RIN3: variants seen among roughly 807,000 people sequenced by gnomAD.
The protein encoded by RIN3 is RAB5 interacting protein 3.
RIN3 carries 54 observed loss-of-function variants against 76.3 expected under a neutral mutation model. The ratio of observed to expected loss-of-function variants is 0.71; its 90% CI spans 0.57 to 0.89. RIN3 has a LOEUF of 0.89. Ranked by LOEUF, RIN3 falls within the 40% of genes least tolerant of loss-of-function variation. The pLI, the probability that RIN3 is intolerant of heterozygous loss-of-function variation, is 0.00. For synonymous variants in RIN3, 576 were observed against 564.0 expected, an observed-to-expected ratio of 1.02 and a Z score of -0.30; for missense variants, 1,256 against 1,322.1, an observed-to-expected ratio of 0.95 and a Z score of 0.78.
At chr14:92,601,289 C>A (rs1255266909) in intron 3 of RIN3, among the ~76,000 whole-genome samples, 1 of 152,134 alleles carries the variant, frequency 6.6e-6, no homozygotes, top group African/African-American at 2.4e-5. Context: ...GGGTCTAGAG[C>A]CTCACCAGCC....
intron 4 of RIN3, among the ~76,000 whole-genome samples, chr14:92,636,984 G>A (rs191392737): frequency 1.7e-4 from 26 of 152,238 alleles, no homozygotes; most frequent in African/African-American, 5.5e-4. Context: ...GGGCCAGCAA[G>A]TTTACTCTCC....
At chr14:92,549,505 T>G (rs1384228773) in intron 1 of RIN3, among the ~76,000 whole-genome samples, 6 of 152,220 alleles carry the variant, frequency 3.9e-5, no homozygotes, top group African/African-American at 1.4e-4. Flanking sequence ...TCCCCACATT[T>G]GGTCAGCTCC....
At chr14:92,533,760 G>T (rs1195498410) in intron 1 of RIN3, among the ~76,000 whole-genome samples, 1 of 152,152 alleles carries the variant, frequency 6.6e-6, no homozygotes, top group Non-Finnish European at 1.5e-5. Flanking sequence ...TACAAATTGG[G>T]TACAGCGTAT....
chr14:92,591,832 A>T lies in RIN3; in HGVS notation c.367+14355A>T, dbSNP rs961189605. On this transcript the variant is annotated intron_variant, in intron 3 of 9. Transcript: ENST00000216487. ...TTAGACCTGCCTTGCAAATGTTAAA[A>T]TTTCTTTAGAGAGAAAGAAAATGAT... Among the ~76,000 whole-genome samples, 3 of 152,348 alleles carry T rather than the reference A, an allele frequency of 2.0e-5. No homozygotes were observed. In the East Asian group the frequency reaches 5.8e-4, roughly 29 times the overall value.
At chr14:92,591,125 G>A (rs12431681) in intron 3 of RIN3, among the ~76,000 whole-genome samples, 66,414 of 151,960 alleles carry the variant, frequency 0.44, 16,049 homozygotes, top group Non-Finnish European at 0.56. Context: ...GAATGTAAGC[G>A]GAGAGATGGA....
At chr14:92,670,720 ATTTCCT>A (rs1888261307) in intron 7 of RIN3, among the ~76,000 whole-genome samples, 1 of 152,076 alleles carries the variant, frequency 6.6e-6, no homozygotes, top group Non-Finnish European at 1.5e-5. Context: ...CTGAGCCTCA[ATTTCCT>A]CACAGTGTGG....
chr14:92,659,625 C>T lies in RIN3; in HGVS notation c.2335+156C>T, dbSNP rs372409277. On this transcript the variant is annotated intron_variant, in intron 7 of 9. Coordinates refer to ENST00000216487, the MANE Select transcript of RIN3 (RefSeq NM_024832.5). Reference sequence around the variant, plus strand: ...AACTGAGTGTGGGTGGGGTGTAATTCCTGGGCCCTCTTGGAGTTACCTGGG... The same window carrying T: ...AACTGAGTGTGGGTGGGGTGTAATTTCTGGGCCCTCTTGGAGTTACCTGGG... 390 of 653,286 alleles carry T rather than the reference C, an allele frequency of 6.0e-4. 7 individuals carry two copies. The East Asian group carries it at 9.3e-3, about 16-fold the overall frequency. The allele number at this position is 653,286 out of a possible 1,614,324, so 40.5% of individuals were successfully genotyped here. A position where few individuals can be genotyped will look rare whatever the true frequency, so the allele number is the denominator to read the frequency against.
chr14:92,606,356 T>C (rs1236891655), intron 3 of RIN3, among the ~76,000 whole-genome samples: 1 of 151,890 alleles, frequency 6.6e-6, no homozygotes, highest in African/African-American at 2.4e-5. Context: ...CTGGGCAACA[T>C]ATTGAGACCC....
intron 1 of RIN3, among the ~76,000 whole-genome samples, chr14:92,554,879 C>T (rs540410951): frequency 1.2e-4 from 18 of 152,276 alleles, no homozygotes; most frequent in East Asian, 3.9e-4. Context: ...GCTGAGATCA[C>T]GCCACTGCAT....
In RIN3 at chr14:92,555,778, G is replaced by A. The variant is rs756590568; in HGVS notation, c.72G>A (p.Glu24=). The change falls in exon 2 of 10, where the codon GAG becomes GAA. Residue 24 remains glutamate (E), a synonymous_variant. Transcript: ENST00000216487. ...TGPVPVVGKG[E]EEEEEDGMRL... ...CGGTTCCAGTTGTTGGCAAAGGAGA[G>A]GAAGAGGAAGAGGAAGATGGCATGC... is the stretch of plus-strand genomic sequence containing the variant. 6.2e-7 allele frequency: 1 copy of A among 1,611,938 alleles called. No individual in the cohort carries two copies. Among genetic ancestry groups the A allele is most frequent in the South Asian group, 1.1e-5 (1 of 91,040 alleles).
chr14:92,574,622 T>C (rs1898163650), intron 2 of RIN3, among the ~76,000 whole-genome samples: 1 of 152,176 alleles, frequency 6.6e-6, no homozygotes, highest in South Asian at 2.1e-4. Flanking sequence ...AGGACTCTGT[T>C]ACCCTCACTA....
Position 92,641,324 on chromosome 14 carries a change from G to A in RIN3, c.527G>A (p.Gly176Asp), listed in dbSNP as rs745909083. 1.2e-6 allele frequency: 2 copies of A among 1,612,702 alleles called. No homozygotes were observed. The highest frequency in any genetic ancestry group is 1.7e-6 in the Non-Finnish European group (2 of 1,178,674). The change falls in exon 5 of 10, where the codon GGT (glycine) becomes GAT (aspartate). Residue 176 changes from glycine (G) to aspartate (D), a missense_variant. Gly to Asp is a moderately conservative substitution (Grantham distance 94). Coordinates refer to ENST00000216487, the MANE Select transcript of RIN3 (RefSeq NM_024832.5). Reference sequence around the variant, plus strand: ...GACCTTGAGACCATCGCCAACCTGGGTCTGGGTGAGTCTTCTCCGAGGGGT... The same window carrying A: ...GACCTTGAGACCATCGCCAACCTGGATCTGGGTGAGTCTTCTCCGAGGGGT... ...FTDLETIANL[G>D]LGFWDSSLNP...
At chr14:92,570,026 C>T (rs1465552082) in intron 2 of RIN3, among the ~76,000 whole-genome samples, 1 of 152,206 alleles carries the variant, frequency 6.6e-6, no homozygotes, top group African/African-American at 2.4e-5. Flanking sequence ...CTTCCTGTGC[C>T]ATCCCTGATA....
intron 2 of RIN3, among the ~76,000 whole-genome samples, chr14:92,571,417 G>A (rs1566847681): frequency 1.3e-5 from 2 of 152,180 alleles, no homozygotes; most frequent in Non-Finnish European, 2.9e-5. Context: ...GCAGTTGCAG[G>A]CAGTGTTGCT....
intron 1 of RIN3, among the ~76,000 whole-genome samples, chr14:92,530,966 C>T (rs1262282687): frequency 6.6e-6 from 1 of 152,136 alleles, no homozygotes; most frequent in Admixed American, 6.5e-5. Flanking sequence ...AAGTCCCACC[C>T]TACAGTCACT....
intron 3 of RIN3, among the ~76,000 whole-genome samples, chr14:92,600,203 G>A (rs145417534): frequency 6.6e-6 from 1 of 152,352 alleles, no homozygotes; most frequent in African/African-American, 2.4e-5. Context: ...GCTGAAGGAT[G>A]CAGTGCAGGC....
chr14:92,636,937 G>A (rs200824850), intron 4 of RIN3, among the ~76,000 whole-genome samples: 29 of 152,114 alleles, frequency 1.9e-4, no homozygotes, highest in East Asian at 1.4e-3. Flanking sequence ...GTGTGTGTGC[G>A]TGTGTGCTTG....
intron 3 of RIN3, among the ~76,000 whole-genome samples, chr14:92,613,763 G>A (rs1315544078): frequency 6.6e-6 from 1 of 152,200 alleles, no homozygotes; most frequent in Non-Finnish European, 1.5e-5. Flanking sequence ...CTCAGAGCCA[G>A]ACCTGGAAGC....
intron 5 of RIN3, chr14:92,645,068 TCACACGTGCCAGCCC>T (rs1054482617): frequency 3.3e-5 from 5 of 152,214 alleles, no homozygotes; most frequent in African/African-American, 9.7e-5. Context: ...AGCTGCTCGG[TCACACGTGCCAGCCC>T]CTTGCTCCCT....
Sources: gnomAD v4.1 joint callset for allele counts (sites outside exome capture counted in the v4.1 genomes callset) on GRCh38, gnomAD v4.1.1 for gene constraint, MANE v1.5 for transcripts, NCBI Gene and HGNC (gene_info 2026-07-23, HGNC 2026-07-21) for gene names.